Variants in PRKN observed in about 807,000 individuals in gnomAD.
The protein encoded by PRKN is parkin RBR E3 ubiquitin protein ligase, also known as E3 ubiquitin-protein ligase parkin.
A neutral mutation model predicts 59.5 loss-of-function variants in PRKN; 56 were observed. The ratio of observed to expected loss-of-function variants is 0.94; its 90% confidence interval spans 0.76 to 1.18. The LOEUF is 1.18. Ranked by LOEUF, PRKN falls within the 50% of genes most tolerant of loss-of-function variation. The pLI is 0.00. For missense variants in PRKN, 657 were observed against 596.4 expected, an observed-to-expected ratio of 1.10 and a Z score of -1.06; for synonymous variants, 250 against 222.1, an observed-to-expected ratio of 1.13 and a Z score of -1.12.
intron 6 of PRKN, among the ~76,000 whole-genome samples, chr6:161,806,825 C>T (rs919213113): frequency 9.2e-5 from 14 of 152,156 alleles, no homozygotes; most frequent in African/African-American, 2.9e-4. Context: ...AGGCCATAAT[C>T]GAGTTGGAGA....
intron 1 of PRKN, among the ~76,000 whole-genome samples, chr6:162,475,568 AGTGT>A (rs965546071): frequency 3.0e-5 from 4 of 134,780 alleles, no homozygotes; most frequent in South Asian, 2.3e-4. Context: ...TATGCATGTG[AGTGT>A]GTGTGTGCAT....
chr6:161,645,378 A>G (rs1783887197), intron 7 of PRKN, among the ~76,000 whole-genome samples: 1 of 152,218 alleles, frequency 6.6e-6, no homozygotes, highest in South Asian at 2.1e-4. Context: ...TGTTCAGGTA[A>G]ACTCATGGAA....
At chr6:161,812,803 T>C (rs779841274) in intron 6 of PRKN, among the ~76,000 whole-genome samples, 1 of 152,230 alleles carries the variant, frequency 6.6e-6, no homozygotes, top group Non-Finnish European at 1.5e-5. Flanking sequence ...TTAAAATGTT[T>C]TAAAAATAGT....
chr6:162,414,726 A>AAAAAAAAAAGAAAAAAAAAAAAAGT (rs34838356), intron 2 of PRKN, among the ~76,000 whole-genome samples: 1 of 91,870 alleles, frequency 1.1e-5, no homozygotes, highest in Non-Finnish European at 2.1e-5. Flanking sequence ...AAAAAAAAAA[A>AAAAAAAAAAGAAAAAAAAAAAAAGT]AGTGAATCTT....
chr6:162,659,106 C>T (rs1394828748), intron 1 of PRKN, among the ~76,000 whole-genome samples: 1 of 152,096 alleles, frequency 6.6e-6, no homozygotes, highest in African/African-American at 2.4e-5. Context: ...AGACTTTGAT[C>T]ATATATTATG....
chr6:162,587,380 C>T (rs1355820338), intron 1 of PRKN, among the ~76,000 whole-genome samples: 3 of 152,256 alleles, frequency 2.0e-5, no homozygotes, highest in South Asian at 4.1e-4. Context: ...AGGTGATCTG[C>T]CCACCTAGGC....
intron 1 of PRKN, among the ~76,000 whole-genome samples, chr6:162,655,699 A>T (rs946023148): frequency 1.3e-5 from 2 of 152,196 alleles, no homozygotes; most frequent in African/African-American, 2.4e-5. Context: ...ACTGTGAGAT[A>T]GATATACAGA....
Position 162,339,600 on chromosome 6 carries a change from GA to G in PRKN, c.172-76836del, listed in dbSNP as rs1784066328. Among the ~76,000 whole-genome samples, 6 of 151,766 alleles carry G rather than the reference GA, an allele frequency of 4.0e-5. No homozygotes were observed. The South Asian group carries it at 1.0e-3, about 26-fold the overall frequency. On this transcript the variant is annotated intron_variant, in intron 2 of 11. Coordinates refer to ENST00000366898, the MANE Select transcript of PRKN (RefSeq NM_004562.3). ...CCGGCCGCCCCTACTGGGAAGTGAG[GA>G]GCCCCTCTGCCTGGCCACCACCCCG...
intron 6 of PRKN, among the ~76,000 whole-genome samples, chr6:161,812,077 A>G (rs1185738751): frequency 6.6e-6 from 1 of 152,316 alleles, no homozygotes; most frequent in African/African-American, 2.4e-5. Flanking sequence ...ATTGGACTTC[A>G]TCAAAATTAA....
intron 5 of PRKN, among the ~76,000 whole-genome samples, chr6:162,036,229 C>A (rs1167781986): frequency 2.0e-5 from 3 of 151,556 alleles, no homozygotes; most frequent in Non-Finnish European, 4.4e-5. Context: ...GAGGCTGCGG[C>A]AGGAGAATGG....
intron 1 of PRKN, among the ~76,000 whole-genome samples, chr6:162,690,900 T>C (rs1158334991): frequency 3.3e-5 from 5 of 152,164 alleles, no homozygotes; most frequent in African/African-American, 7.2e-5. Flanking sequence ...TTTTAAATGC[T>C]ACAGATTCTA....
At chr6:162,561,187 G>C (rs926326118) in intron 1 of PRKN, among the ~76,000 whole-genome samples, 1 of 152,152 alleles carries the variant, frequency 6.6e-6, no homozygotes, top group Non-Finnish European at 1.5e-5. Flanking sequence ...GTTGCGGAGA[G>C]CCTTAAGTAT....
intron 2 of PRKN, among the ~76,000 whole-genome samples, chr6:162,386,040 TA>T (rs940341669): frequency 1.3e-5 from 2 of 152,102 alleles, no homozygotes; most frequent in Non-Finnish European, 2.9e-5. Context: ...TGATTTTTTT[TA>T]AAAAAAGAGG....
chr6:162,497,497 A>T (rs2128186789), intron 1 of PRKN, among the ~76,000 whole-genome samples: 1 of 152,354 alleles, frequency 6.6e-6, no homozygotes, highest in Admixed American at 6.5e-5. Context: ...TACAATTTTT[A>T]CAAAAGAACT....
rs1050911707 is a variant in PRKN, at chr6:161,610,778, G to C, written c.872-41362C>G. On this transcript the variant is annotated intron_variant, in intron 7 of 11. Transcript: ENST00000366898. ...GTGCCCAGGAAAGAGGATGCCAGGAGGGGCCTGGGCTTGGCCGGGGTGTCC... is the reference window on the plus strand; with the variant it reads ...GTGCCCAGGAAAGAGGATGCCAGGACGGGCCTGGGCTTGGCCGGGGTGTCC... Among the ~76,000 whole-genome samples the C allele has an allele frequency of 2.0e-5, 3 of 152,128 alleles. No individual in the cohort carries two copies. The South Asian group carries it at 6.2e-4, about 32-fold the overall frequency.
chr6:161,599,424 A>T (rs1583277498), intron 7 of PRKN, among the ~76,000 whole-genome samples: 1 of 152,206 alleles, frequency 6.6e-6, no homozygotes, highest in African/African-American at 2.4e-5. Flanking sequence ...TTAACATGCA[A>T]TTGCCACTTA....
chr6:162,111,018 G>A (rs944583820), intron 4 of PRKN, among the ~76,000 whole-genome samples: 1 of 152,164 alleles, frequency 6.6e-6, no homozygotes, highest in African/African-American at 2.4e-5. Flanking sequence ...CAAATGCAAC[G>A]TGTGGGCTTC....
In PRKN at chr6:161,919,032, G is replaced by A. The variant is rs1778681046; in HGVS notation, c.734+54270C>T. ...TTAGAGCCAGCAATTCCTCTCCTAG[G>A]TATCCAACTGAGGAGAAATGAAAGT... On this transcript the variant is annotated intron_variant, in intron 6 of 11. Transcript: ENST00000366898. 1.3e-5 allele frequency among the ~76,000 whole-genome samples: 2 copies of A among 152,092 alleles called. 1 individual carries two copies. Among genetic ancestry groups the A allele is most frequent in the South Asian group, 4.2e-4 (2 of 4,814 alleles).
chr6:162,446,565 A>T (rs9458556), intron 1 of PRKN, among the ~76,000 whole-genome samples: 4,888 of 152,324 alleles, frequency 0.032, 216 homozygotes, highest in African/African-American at 0.1. Flanking sequence ...ATTTAGATAA[A>T]TCATAAATAC....
Sources: allele counts gnomAD v4.1 joint callset (sites outside exome capture counted in the v4.1 genomes callset), GRCh38; gene constraint gnomAD v4.1.1; transcripts MANE v1.5; gene names NCBI Gene and HGNC (gene_info 2026-07-23, HGNC 2026-07-21).